The following CASK variants were observed in gnomAD, a reference collection of about 807,000 sequenced individuals.
The protein encoded by CASK is peripheral plasma membrane protein CASK.
CASK carries 4 observed loss-of-function variants against 82.9 expected under a neutral mutation model. That is an observed-to-expected ratio of 0.05 (90% CI 0.02 to 0.11). The LOEUF is 0.11. Ranked by LOEUF, CASK falls within the 10% of genes least tolerant of loss-of-function variation. The pLI, the probability that CASK is intolerant of heterozygous loss-of-function variation, is 1.00. For missense variants in CASK, 358 were observed against 720.9 expected (o/e 0.50, Z 5.76); for synonymous variants, 259 against 253.5 (o/e 1.02, Z -0.20).
At chrX:41,694,334 C>T (rs988200272) in intron 5 of CASK, among the ~76,000 whole-genome samples, 1 of 111,581 alleles carries the variant, frequency 9.0e-6, no homozygotes, top group East Asian at 2.8e-4. Context: ...TTATGTTAAC[C>T]CTGCTAAGTG....
At chrX:41,808,941 T>C (rs1375579816) in intron 2 of CASK, among the ~76,000 whole-genome samples, 1 of 112,719 alleles carries the variant, frequency 8.9e-6, no homozygotes, top group Non-Finnish European at 1.9e-5. Context: ...CAGGAGATTA[T>C]ATCCTGTGCC....
intron 1 of CASK, among the ~76,000 whole-genome samples, chrX:41,900,599 CTTTTTTTT>C (rs559584956): frequency 1.3e-5 from 1 of 74,517 alleles, no homozygotes; most frequent in African/African-American, 5.2e-5. Context: ...CTGTTTGGTT[CTTTTTTTT>C]TTTTTTTTTG....
chrX:41,693,343 G>A (rs934094923), intron 5 of CASK, among the ~76,000 whole-genome samples: 2 of 111,629 alleles, frequency 1.8e-5, no homozygotes, highest in Non-Finnish European at 3.8e-5. Context: ...GTTGGGCATA[G>A]TGGCTCACAC....
intron 1 of CASK, among the ~76,000 whole-genome samples, chrX:41,878,286 G>C (rs971586274): frequency 9.0e-6 from 1 of 111,275 alleles, no homozygotes; most frequent in African/African-American, 3.3e-5. Flanking sequence ...GGTTTTCAAA[G>C]ATAAAATGAG....
chrX:41,551,712 T>C (rs1007953903), intron 21 of CASK, among the ~76,000 whole-genome samples: 1 of 107,747 alleles, frequency 9.3e-6, no homozygotes, highest in African/African-American at 3.4e-5. Flanking sequence ...CTGGCCAACA[T>C]GGTGAAACCC....
intron 1 of CASK, among the ~76,000 whole-genome samples, chrX:41,912,296 T>C (rs1177601361): frequency 9.5e-6 from 1 of 105,528 alleles, no homozygotes; most frequent in Non-Finnish European, 1.9e-5. Context: ...TTTGTTTGTT[T>C]TCTGTTTTTT....
intron 2 of CASK, among the ~76,000 whole-genome samples, chrX:41,831,523 T>C (rs977270177): frequency 3.6e-5 from 4 of 112,540 alleles, no homozygotes; most frequent in Non-Finnish European, 5.6e-5. Flanking sequence ...GACTCAGTTA[T>C]AGATAGAGTC....
chrX:41,743,352 A>G (rs2068627531), intron 4 of CASK, among the ~76,000 whole-genome samples: 1 of 112,185 alleles, frequency 8.9e-6, no homozygotes. Flanking sequence ...AAGAATAAAA[A>G]TTTAAAATTG....
At chrX:41,808,572 A>G (rs1184428726) in intron 2 of CASK, among the ~76,000 whole-genome samples, 1 of 112,194 alleles carries the variant, frequency 8.9e-6, no homozygotes, top group East Asian at 2.8e-4. Context: ...AAAACTCACG[A>G]TAAGAGCTTC....
chrX:41,605,095 A>C (rs62587030), intron 12 of CASK, among the ~76,000 whole-genome samples: 12,880 of 111,780 alleles, frequency 0.12, 717 homozygotes, highest in Middle Eastern at 0.18. Flanking sequence ...GATAATCTTT[A>C]GTTTTTCTTA....
At chrX:41,604,270 A>G (rs1415187051) in intron 12 of CASK, among the ~76,000 whole-genome samples, 1 of 104,247 alleles carries the variant, frequency 9.6e-6, no homozygotes, top group African/African-American at 3.5e-5. Context: ...AGAACCTCAG[A>G]ATGTGACCTT....
chrX:41,647,751 C>G (rs1465683762), intron 8 of CASK, among the ~76,000 whole-genome samples: 1 of 111,915 alleles, frequency 8.9e-6, no homozygotes, highest in Non-Finnish European at 1.9e-5. Flanking sequence ...ATTTCTTATG[C>G]CTGTCTTTAC....
chrX:41,678,557 C>T (rs2067304434), intron 5 of CASK, among the ~76,000 whole-genome samples: 2 of 111,328 alleles, frequency 1.8e-5, no homozygotes, highest in Non-Finnish European at 3.8e-5. Context: ...AACATAGCAC[C>T]TGGCTATCCT....
intron 6 of CASK, among the ~76,000 whole-genome samples, chrX:41,671,067 T>C (rs943474926): frequency 8.9e-6 from 1 of 112,084 alleles, no homozygotes; most frequent in African/African-American, 3.2e-5. Context: ...AAATTAGCCA[T>C]CAGTGTAAAC....
chrX:41,600,668 C>T (rs760164831), intron 12 of CASK, among the ~76,000 whole-genome samples: 11 of 112,061 alleles, frequency 9.8e-5, no homozygotes, highest in East Asian at 2.8e-4. Flanking sequence ...GAGGGACTTC[C>T]GTAGTCATTA....
chrX:41,801,669 T>C (rs754091128), intron 2 of CASK, among the ~76,000 whole-genome samples: 3 of 111,537 alleles, frequency 2.7e-5, no homozygotes, highest in African/African-American at 9.8e-5. Flanking sequence ...GTGGAGCAGA[T>C]AACAGGAGGA....
chrX:41,817,823 C>T lies in CASK; in HGVS notation c.173-30540G>A, dbSNP rs780470467. On this transcript the variant is annotated intron_variant, in intron 2 of 26. Coordinates refer to ENST00000378163, the MANE Select transcript of CASK (RefSeq NM_001367721.1). ...TATGAAATACAGAGAAAAATTCTTA[C>T]AAAACGTTGAAAAAACATTTATACT... 9.9e-5 allele frequency among the ~76,000 whole-genome samples: 11 copies of T among 110,976 alleles called. No individual in the cohort carries two copies. In the East Asian group the frequency reaches 2.8e-3, roughly 28 times the overall value.
At chrX:41,541,350 G>A (rs2064943712) in intron 22 of CASK, among the ~76,000 whole-genome samples, 1 of 112,106 alleles carries the variant, frequency 8.9e-6, no homozygotes, top group African/African-American at 3.2e-5. Context: ...CACCACCACC[G>A]TGCCTGGCTC....
At chrX:41,606,270 A>G (rs2065959581) in intron 12 of CASK, among the ~76,000 whole-genome samples, 2 of 111,429 alleles carry the variant, frequency 1.8e-5, no homozygotes, top group South Asian at 7.6e-4. Flanking sequence ...TCATTCATTC[A>G]TTCATTCATT....
Sources: allele counts gnomAD v4.1 joint callset (sites outside exome capture counted in the v4.1 genomes callset), GRCh38; gene constraint gnomAD v4.1.1; transcripts MANE v1.5; gene names NCBI Gene and HGNC (gene_info 2026-07-23, HGNC 2026-07-21).